SLC35D1: variants seen among roughly 807,000 people sequenced by gnomAD.
SLC35D1 encodes the protein nucleotide sugar transporter SLC35D1.
In SLC35D1, 31 loss-of-function variants were observed where a neutral mutation model predicts 46.7. The ratio of observed to expected loss-of-function variants is 0.66; its 90% confidence interval spans 0.50 to 0.90. The LOEUF (loss-of-function observed/expected upper bound fraction) is 0.90, where lower values mean the gene tolerates loss of function less well. SLC35D1 is among the 40% of genes least tolerant of loss of function. The pLI, the probability that SLC35D1 is intolerant of heterozygous loss-of-function variation, is 0.00. For synonymous variants in SLC35D1, 195 were observed against 164.6 expected, an observed-to-expected ratio of 1.18 and a Z score of -1.41; for missense variants, 397 against 426.2, an observed-to-expected ratio of 0.93 and a Z score of 0.60.
intron 8 of SLC35D1, among the ~76,000 whole-genome samples, chr1:67,024,558 G>A (rs1479369390): frequency 2.0e-5 from 3 of 152,138 alleles, no homozygotes; most frequent in South Asian, 2.1e-4. Context: ...AGATGAAAGT[G>A]TCTACAGGAT....
At chr1:67,038,376 A>C (rs889719053) in intron 8 of SLC35D1, among the ~76,000 whole-genome samples, 1 of 152,142 alleles carries the variant, frequency 6.6e-6, no homozygotes, top group Non-Finnish European at 1.5e-5. Flanking sequence ...CCCCTAAACC[A>C]TGTAATTTAG....
intron 9 of SLC35D1, among the ~76,000 whole-genome samples, chr1:67,021,162 G>C (rs1389462358): frequency 6.6e-6 from 1 of 152,156 alleles, no homozygotes; most frequent in Non-Finnish European, 1.5e-5. Flanking sequence ...GTAAAGAGGG[G>C]TCAAACTGCC....
the SLC35D1 span, among the ~76,000 whole-genome samples, chr1:66,978,209 A>G: frequency 4.7e-5 from 7 of 149,464 alleles, no homozygotes; most frequent in Admixed American, 1.3e-4. Context: ...AAAAAAAAAA[A>G]AAAGATGTGC....
chr1:67,009,058 G>A, intron 11 of SLC35D1, 27 bp downstream of exon 11: 1 of 1,073,910 alleles, frequency 9.3e-7, no homozygotes, highest in Non-Finnish European at 1.4e-6. Context: ...TTCCGATTTT[G>A]CAATTTAATT....
At chr1:67,008,178 T>C (rs991227577) in intron 11 of SLC35D1, among the ~76,000 whole-genome samples, 2 of 152,178 alleles carry the variant, frequency 1.3e-5, no homozygotes, top group Admixed American at 6.5e-5. Flanking sequence ...CTCACTCTGT[T>C]GCCAGGCTGG....
At chr1:66,990,578 T>C in the SLC35D1 span, among the ~76,000 whole-genome samples, 4 of 152,330 alleles carry the variant, frequency 2.6e-5, no homozygotes, top group African/African-American at 9.6e-5. Flanking sequence ...AAAATTCTTG[T>C]AGCTAGTGCT....
At chr1:67,034,828 G>A (rs1668089842) in intron 8 of SLC35D1, among the ~76,000 whole-genome samples, 1 of 151,762 alleles carries the variant, frequency 6.6e-6, no homozygotes, top group African/African-American at 2.4e-5. Context: ...GTCATATATT[G>A]TTTTTCCTTC....
At chr1:67,028,877 TTCA>T (rs1667966070) in intron 8 of SLC35D1, among the ~76,000 whole-genome samples, 1 of 152,206 alleles carries the variant, frequency 6.6e-6, no homozygotes, top group Non-Finnish European at 1.5e-5. Flanking sequence ...TCAGATATTT[TTCA>T]TCCCTAAAAG....
At chr1:67,044,922 C>T (rs555782752) in intron 7 of SLC35D1, among the ~76,000 whole-genome samples, 6 of 152,156 alleles carry the variant, frequency 3.9e-5, no homozygotes, top group Non-Finnish European at 8.8e-5. Flanking sequence ...TATTAAAAAG[C>T]ACCTCAGCAT....
intron 8 of SLC35D1, among the ~76,000 whole-genome samples, chr1:67,027,440 T>C (rs1376606567): frequency 6.6e-6 from 1 of 152,122 alleles, no homozygotes; most frequent in African/African-American, 2.4e-5. Flanking sequence ...AGTTTCCTTT[T>C]TTTATTCTTC....
At position 67,053,820 on chromosome 1, in the gene SLC35D1, G is replaced by A. The variant is rs1184455024; in HGVS notation, c.194C>T (p.Thr65Ile). The A allele has an allele frequency of 6.2e-7, 1 of 1,610,082 alleles. No homozygotes were observed. The highest frequency in any genetic ancestry group is 1.3e-5 in the African/African-American group (1 of 74,536). The stretch of plus-strand genomic sequence containing the variant: ...GCCGCCTCGGCCCTACCTGTAATTG[G>A]TGAGCACGCTCTTATTCACCACCAC... ...LIVVVNKSVL[T>I]NYRFPSSLCV... Residue 65 changes from threonine (T) to isoleucine (I), a missense_variant, in exon 1 of 12, where the codon ACC (threonine) becomes ATC (isoleucine). Thr to Ile is a moderately conservative substitution (Grantham distance 89, BLOSUM62 -1). Coordinates refer to ENST00000235345, the MANE Select transcript of SLC35D1 (RefSeq NM_015139.3).
rs1386412569 is a variant in SLC35D1, at chr1:67,052,012, T to C, written c.392A>G (p.Asn131Ser). 6.3e-7 allele frequency: 1 copy of C among 1,592,520 alleles called. No individual in the cohort carries two copies. Among genetic ancestry groups the C allele is most frequent in the South Asian group, 1.1e-5 (1 of 90,618 alleles). ...ITGLFSTKKL[N>S]LPMFTVLRRF... ...ACTAGTAAAATAAAGTTATCCATAC[T>C]TCAGTTTCTTTGTGCTGAACAGTCC... Residue 131 changes from asparagine to serine, a missense_variant and splice_region_variant, in exon 4 of 12, where the codon AAC (asparagine) becomes AGC (serine). Physicochemically the swap from Asn to Ser is conservative, Grantham distance 46. Coordinates refer to ENST00000235345, the MANE Select transcript of SLC35D1 (RefSeq NM_015139.3).
intron 6 of SLC35D1, 133 bp from the exon 7 acceptor site, chr1:67,047,500 T>C (rs1645264662): frequency 2.5e-6 from 2 of 785,018 alleles, no homozygotes; most frequent in Non-Finnish European, 4.2e-6. Flanking sequence ...TATCAGCTAC[T>C]AGTATTTCTT....
chr1:67,047,351 C>A lies in SLC35D1; in HGVS notation c.550G>T (p.Asp184Tyr). Reference protein sequence around the residue: ...FVAASSDLAFDLEGYAFILIN... With the variant: ...FVAASSDLAFYLEGYAFILIN... ...AGAATAAAAGCATATCCTTCCAGAT[C>A]AAATGCCAAGTCAGAGCTGCAAAAC... The change falls in exon 7 of 12, where the codon GAT (aspartate) becomes TAT (tyrosine). Residue 184 changes from aspartate (D) to tyrosine (Y), a missense_variant. Transcript: ENST00000235345. 1.2e-6 allele frequency: 2 copies of A among 1,613,116 alleles called. No homozygotes were observed. The highest frequency in any genetic ancestry group is 1.3e-5 in the African/African-American group (1 of 75,054).
chr1:66,989,663 C>A, the SLC35D1 span, among the ~76,000 whole-genome samples: 1 of 152,144 alleles, frequency 6.6e-6, no homozygotes, highest in Non-Finnish European at 1.5e-5. Context: ...TGAGGTCTCA[C>A]TATGTTGCCC....
At position 67,003,662 on chromosome 1, in the gene SLC35D1, G is replaced by A. The variant is rs1263722353; in HGVS notation, c.*678C>T. The A allele has an allele frequency of 1.3e-5, 2 of 152,818 alleles. No homozygotes were observed. The highest frequency in any genetic ancestry group is 4.8e-5 in the African/African-American group (2 of 41,426). 9.5% of individuals were successfully genotyped at this position (152,818 alleles called of 1,614,324 possible). A position where few individuals can be genotyped will look rare whatever the true frequency, so the allele number is the denominator to read the frequency against. On this transcript the variant is annotated 3_prime_UTR_variant, in exon 12 of 12. Transcript: ENST00000235345. ...AATAAGTCAAATAGATGAAAAATTA[G>A]TAAAAGGCCTACTTTCTCACCCCCT...
At chr1:67,036,710 C>CTTTTTTTTTTTTTTTTTTTTTTTTTTTTT (rs56674117) in intron 8 of SLC35D1, among the ~76,000 whole-genome samples, 1 of 144,422 alleles carries the variant, frequency 6.9e-6, no homozygotes. Flanking sequence ...ATCACTGGGT[C>CTTTTTTTTTTTTTTTTTTTTTTTTTTTTT]TTTTTTTTTT....
intron 8 of SLC35D1, among the ~76,000 whole-genome samples, chr1:67,033,733 T>C (rs1321439054): frequency 1.3e-5 from 2 of 152,222 alleles, no homozygotes; most frequent in Non-Finnish European, 2.9e-5. Flanking sequence ...TGTCTGTGCT[T>C]GTGGGGTATT....
rs1667800436 is a variant in SLC35D1, at chr1:67,021,615, A to G, written c.730-13T>C. On this transcript the variant is annotated splice_polypyrimidine_tract_variant and intron_variant, in intron 8 of 11. Coordinates refer to ENST00000235345, the MANE Select transcript of SLC35D1 (RefSeq NM_015139.3). ...CAAACTCCACAGCCTGCAACACACA[A>G]GAAAGCATTAAATTTTAGACCAGGC... 6.2e-7 allele frequency: 1 copy of G among 1,613,528 alleles called. No individual in the cohort carries two copies. Among genetic ancestry groups the G allele is most frequent in the Admixed American group, 1.7e-5 (1 of 59,966 alleles).
Sources: gnomAD v4.1 joint callset for allele counts (sites outside exome capture counted in the v4.1 genomes callset) on GRCh38, gnomAD v4.1.1 for gene constraint, MANE v1.5 for transcripts, NCBI Gene and HGNC (gene_info 2026-07-23, HGNC 2026-07-21) for gene names.